Variants in CNTNAP3B observed in about 807,000 individuals in gnomAD.
CNTNAP3B encodes contactin-associated protein-like 3B.
CNTNAP3B carries 25 observed loss-of-function variants against 108.9 expected under a neutral mutation model. That is an observed-to-expected ratio of 0.23 (90% CI 0.17 to 0.32). The LOEUF is 0.32. Ranked by LOEUF, CNTNAP3B falls within the 10% of genes least tolerant of loss-of-function variation. CNTNAP3B has a pLI of 1.00. For missense variants in CNTNAP3B, 252 were observed against 1,210.4 expected (o/e 0.21, Z 11.75); for synonymous variants, 103 against 473.4 (o/e 0.22, Z 10.16).
At chr9:41,990,492 C>T (rs1825786105) in intron 8 of CNTNAP3B, among the ~76,000 whole-genome samples, 1 of 130,580 alleles carries the variant, frequency 7.7e-6, no homozygotes, top group Admixed American at 7.8e-5. Context: ...AGGCCCCGCC[C>T]TCCGAATTTC....
chr9:42,090,696 T>C (rs1388403251), intron 2 of CNTNAP3B, among the ~76,000 whole-genome samples: 34 of 61,230 alleles, frequency 5.6e-4, no homozygotes, highest in Non-Finnish European at 9.7e-4. Context: ...CAGTATACAG[T>C]TAGTATACAC....
chr9:41,932,516 T>C (rs1181397396), intron 14 of CNTNAP3B, among the ~76,000 whole-genome samples: 2 of 138,230 alleles, frequency 1.4e-5, no homozygotes, highest in East Asian at 2.1e-4. Flanking sequence ...AACTTTTTTT[T>C]CTTCTTTTTT....
chr9:41,973,358 A>C (rs1321580822), intron 9 of CNTNAP3B, among the ~76,000 whole-genome samples: 1 of 134,558 alleles, frequency 7.4e-6, no homozygotes, highest in Non-Finnish European at 1.6e-5. Flanking sequence ...AATTCTAATC[A>C]TAAAGTACTG....
At chr9:42,047,662 C>T (rs1326466737) in intron 3 of CNTNAP3B, among the ~76,000 whole-genome samples, 1 of 12,188 alleles carries the variant, frequency 8.2e-5, no homozygotes, top group African/African-American at 1.8e-4. Flanking sequence ...CCCCCTCCCC[C>T]CTTCTGCCCC....
Position 41,953,266 on chromosome 9 carries a change from AGCTGCCCCGCGCCCGCT to A in CNTNAP3B, c.1980_1996del (p.Ala663ArgfsTer39). On this transcript the variant is annotated frameshift_variant, in exon 13 of 24. Coordinates refer to ENST00000377561, the MANE Select transcript of CNTNAP3B (RefSeq NM_001201380.3). LOFTEE classifies it high-confidence loss of function. ...CTCCGCCAGGTTCACCGCGGCCCGC[AGCTGCCCCGCGCCCGCT>A]GCGTACGCGAAGGACACAGCCGAGA... 6.5e-7 allele frequency: 1 copy of A among 1,527,952 alleles called. No homozygotes were observed. The highest frequency in any genetic ancestry group is 8.7e-7 in the Non-Finnish European group (1 of 1,145,480). 94.6% of individuals were successfully genotyped at this position (1,527,952 alleles called of 1,614,324 possible). A position where few individuals can be genotyped will look rare whatever the true frequency, so the allele number is the denominator to read the frequency against.
At chr9:41,952,643 A>G (rs1824725063) in intron 13 of CNTNAP3B, among the ~76,000 whole-genome samples, 1 of 150,964 alleles carries the variant, frequency 6.6e-6, no homozygotes. Context: ...ATTTCTCAAG[A>G]TATAATTTCA....
chr9:41,924,402 C>T (rs1415135185), intron 15 of CNTNAP3B, among the ~76,000 whole-genome samples: 34 of 152,382 alleles, frequency 2.2e-4, no homozygotes, highest in African/African-American at 4.1e-4. Context: ...CTCAAAGGTA[C>T]GACCAACAGA....
chr9:42,127,924 G>T (rs1828608099), intron 1 of CNTNAP3B, among the ~76,000 whole-genome samples: 1 of 139,462 alleles, frequency 7.2e-6, no homozygotes, highest in Non-Finnish European at 1.5e-5. Flanking sequence ...GCTACCCTTG[G>T]TTATCCTGCA....
At chr9:41,940,163 C>A (rs1473668390) in intron 13 of CNTNAP3B, among the ~76,000 whole-genome samples, 2 of 152,394 alleles carry the variant, frequency 1.3e-5, no homozygotes, top group East Asian at 1.9e-4. Flanking sequence ...AAAGAGAGAA[C>A]AAAGTGTGCT....
chr9:41,997,169 C>G (rs1041918416), intron 6 of CNTNAP3B, among the ~76,000 whole-genome samples: 2 of 146,382 alleles, frequency 1.4e-5, no homozygotes, highest in Admixed American at 1.4e-4. Flanking sequence ...TCAAAGTGAT[C>G]CTAAATAATG....
At chr9:42,090,993 CACACACACAT>C (rs1827811819) in intron 2 of CNTNAP3B, among the ~76,000 whole-genome samples, 1 of 52,182 alleles carries the variant, frequency 1.9e-5, no homozygotes, top group African/African-American at 5.3e-5. Flanking sequence ...CACACACACA[CACACACACAT>C]ATAGTATATA....
chr9:41,955,912 A>G (rs922958540), intron 12 of CNTNAP3B, among the ~76,000 whole-genome samples: 3 of 152,248 alleles, frequency 2.0e-5, no homozygotes, highest in African/African-American at 4.8e-5. Context: ...TTAAAAATGC[A>G]TTTTAATACA....
chr9:41,958,694 C>T (rs1463612344), intron 12 of CNTNAP3B, among the ~76,000 whole-genome samples: 1 of 149,258 alleles, frequency 6.7e-6, no homozygotes, highest in East Asian at 2.0e-4. Flanking sequence ...GCAGGTTAGG[C>T]TCTGAAAACA....
chr9:42,001,765 T>C (rs1826010438), intron 4 of CNTNAP3B, among the ~76,000 whole-genome samples: 1 of 130,988 alleles, frequency 7.6e-6, no homozygotes, highest in Admixed American at 7.6e-5. Context: ...TTATTAGCTT[T>C]ATTAATTAAG....
intron 14 of CNTNAP3B, among the ~76,000 whole-genome samples, chr9:41,932,405 A>G (rs1824004032): frequency 6.6e-6 from 1 of 151,880 alleles, no homozygotes; most frequent in Non-Finnish European, 1.5e-5. Flanking sequence ...AAAAGCTACT[A>G]CTTATTATTT....
chr9:41,942,672 C>T (rs1022087909), intron 13 of CNTNAP3B, among the ~76,000 whole-genome samples: 8 of 152,230 alleles, frequency 5.3e-5, no homozygotes, highest in Admixed American at 1.3e-4. Flanking sequence ...CTCCTCTCCC[C>T]GCACCTTATC....
intron 3 of CNTNAP3B, among the ~76,000 whole-genome samples, chr9:42,047,456 T>A (rs1425607745): frequency 1.7e-5 from 2 of 121,090 alleles, no homozygotes; most frequent in Non-Finnish European, 3.4e-5. Context: ...GAAGATAAAT[T>A]AAAAATTAAA....
Position 42,096,033 on chromosome 9 carries a change from C to A in CNTNAP3B, c.196+8596G>T, listed in dbSNP as rs535456382. On this transcript the variant is annotated intron_variant, in intron 2 of 23. Transcript: ENST00000377561. ...GACCTCAGGCAGGAACATGGTCTTG[C>A]TCACCTGCCTTTGGTACCTCAGGGT... is the stretch of plus-strand genomic sequence containing the variant. 1.0e-3 allele frequency among the ~76,000 whole-genome samples: 142 copies of A among 139,164 alleles called. 37 individuals are homozygous for A. Among genetic ancestry groups the A allele is most frequent in the African/African-American group, 4.0e-3 (139 of 35,024 alleles). 91.3% of individuals were successfully genotyped at this position (139,164 alleles called of 152,430 possible).
chr9:42,120,445 C>G (rs1828434823), intron 1 of CNTNAP3B, among the ~76,000 whole-genome samples: 1 of 137,710 alleles, frequency 7.3e-6, no homozygotes, highest in Non-Finnish European at 1.6e-5. Context: ...ACTAGAAATA[C>G]CATTTGACCC....
Sources: allele counts gnomAD v4.1 joint callset (sites outside exome capture counted in the v4.1 genomes callset), GRCh38; gene constraint gnomAD v4.1.1; transcripts MANE v1.5; gene names NCBI Gene and HGNC (gene_info 2026-07-23, HGNC 2026-07-21).